Variants in CCSER1 observed in about 807,000 individuals in gnomAD.
CCSER1 encodes the protein serine-rich coiled-coil domain-containing protein 1.
Under a neutral mutation model 82.0 loss-of-function variants are expected in CCSER1, and 41 were observed. The ratio of observed to expected loss-of-function variants is 0.50; its 90% CI spans 0.39 to 0.65. CCSER1 has a LOEUF of 0.65. Among genes scored for constraint, CCSER1 ranks in the 30% least tolerant of loss-of-function variants. The pLI is 0.00. For missense variants in CCSER1, 1,119 were observed against 1,064.2 expected (o/e 1.05, Z -0.72); for synonymous variants, 414 against 383.9 (o/e 1.08, Z -0.92).
At chr4:90,923,011 T>C (rs561995189) in intron 8 of CCSER1, among the ~76,000 whole-genome samples, 1 of 152,246 alleles carries the variant, frequency 6.6e-6, no homozygotes, top group Non-Finnish European at 1.5e-5. Context: ...ATTTCAAATG[T>C]AAGTGTTCTG....
chr4:91,364,327 G>T (rs1454858244), intron 10 of CCSER1, among the ~76,000 whole-genome samples: 1 of 151,828 alleles, frequency 6.6e-6, no homozygotes, highest in Non-Finnish European at 1.5e-5. Flanking sequence ...TTTTCATGAT[G>T]GGAAATACAC....
At chr4:91,342,187 T>C (rs928175860) in intron 10 of CCSER1, among the ~76,000 whole-genome samples, 1 of 152,214 alleles carries the variant, frequency 6.6e-6, no homozygotes, top group African/African-American at 2.4e-5. Flanking sequence ...GTTAAAATTA[T>C]CATACCCATT....
At position 90,480,100 on chromosome 4, in the gene CCSER1, T is replaced by A. The variant is rs191498198; in HGVS notation, c.1724+11746T>A. 2.0e-5 allele frequency among the ~76,000 whole-genome samples: 3 copies of A among 152,310 alleles called. No homozygotes were observed. The East Asian group carries it at 5.8e-4, about 29-fold the overall frequency. On this transcript the variant is annotated intron_variant, in intron 5 of 10. Coordinates refer to ENST00000509176, the MANE Select transcript of CCSER1 (RefSeq NM_001145065.2). ...GGTGTGAGATGGTATCTCATTGTGGTTTTGATTGACATTTCTCTGATGGCC... is the reference window on the plus strand; with the variant it reads ...GGTGTGAGATGGTATCTCATTGTGGATTTGATTGACATTTCTCTGATGGCC...
chr4:90,358,167 C>T (rs536950753), intron 3 of CCSER1, among the ~76,000 whole-genome samples: 2 of 152,120 alleles, frequency 1.3e-5, no homozygotes, highest in South Asian at 4.1e-4. Context: ...GTAAATAATA[C>T]ATCAAATATT....
intron 7 of CCSER1, among the ~76,000 whole-genome samples, chr4:90,812,903 C>A (rs544218988): frequency 6.6e-6 from 1 of 152,278 alleles, no homozygotes; most frequent in African/African-American, 2.4e-5. Flanking sequence ...CACCTCCCAC[C>A]AGGTCTCTCC....
chr4:91,215,280 T>C (rs1368140074), intron 10 of CCSER1, among the ~76,000 whole-genome samples: 1 of 152,168 alleles, frequency 6.6e-6, no homozygotes, highest in East Asian at 1.9e-4. Flanking sequence ...TATTTTTCCT[T>C]GAAAAAGTCC....
At chr4:91,270,478 T>C (rs771736867) in intron 10 of CCSER1, among the ~76,000 whole-genome samples, 4 of 152,200 alleles carry the variant, frequency 2.6e-5, no homozygotes, top group Non-Finnish European at 5.9e-5. Context: ...CTTTTTCCTT[T>C]CTTTCATGGA....
chr4:91,186,890 C>T (rs994373340), intron 10 of CCSER1, among the ~76,000 whole-genome samples: 1 of 152,210 alleles, frequency 6.6e-6, no homozygotes, highest in Admixed American at 6.5e-5. Flanking sequence ...GTTCCTTGCC[C>T]TCATTCCTGT....
At chr4:90,632,625 AG>A (rs560479635) in intron 6 of CCSER1, among the ~76,000 whole-genome samples, 17 of 152,152 alleles carry the variant, frequency 1.1e-4, no homozygotes, top group Non-Finnish European at 2.4e-4. Context: ...ATTCTGCTTC[AG>A]TAAACCTGTC....
chr4:90,468,360 T>C lies in CCSER1; in HGVS notation c.1724+6T>C. 1 of 1,597,134 alleles carries C rather than the reference T, an allele frequency of 6.3e-7. No individual in the cohort carries two copies. The highest frequency in any genetic ancestry group is 8.5e-7 in the Non-Finnish European group (1 of 1,171,744). ...TTTCCTGAGCCTTCCAAACAGTGAG[T>C]TGTTCATTTAATTTTTCAAGGCCTT... On this transcript the variant is annotated splice_donor_region_variant and intron_variant, in intron 5 of 10. Transcript: ENST00000509176.
chr4:91,474,726 C>T (rs1757469001), intron 10 of CCSER1, among the ~76,000 whole-genome samples: 1 of 148,736 alleles, frequency 6.7e-6, no homozygotes, highest in African/African-American at 2.5e-5. Flanking sequence ...AATTTAGGCA[C>T]ACATGTATAC....
At chr4:90,449,406 T>C (rs75952173) in intron 4 of CCSER1, among the ~76,000 whole-genome samples, 1 of 152,332 alleles carries the variant, frequency 6.6e-6, no homozygotes, top group East Asian at 1.9e-4. Context: ...TTCCCAGGTT[T>C]CAAGCTATTC....
chr4:91,585,768 A>T (rs1349428520), intron 10 of CCSER1, among the ~76,000 whole-genome samples: 3 of 151,510 alleles, frequency 2.0e-5, no homozygotes, highest in African/African-American at 7.3e-5. Flanking sequence ...AAGATGGCTA[A>T]TGTTGCTAGA....
At chr4:91,051,177 A>G (rs989899149) in intron 9 of CCSER1, among the ~76,000 whole-genome samples, 1 of 152,210 alleles carries the variant, frequency 6.6e-6, no homozygotes, top group South Asian at 2.1e-4. Context: ...GAGGGTTAAT[A>G]CATATAATAT....
chr4:90,603,461 ATTT>A (rs1204127440), intron 5 of CCSER1, among the ~76,000 whole-genome samples: 2 of 152,188 alleles, frequency 1.3e-5, no homozygotes, highest in Non-Finnish European at 2.9e-5. Flanking sequence ...TTCAAGTGAT[ATTT>A]ATTGGCACAA....
Position 90,687,119 on chromosome 4 carries a change from T to A in CCSER1, c.1933-36795T>A, listed in dbSNP as rs193098287. On this transcript the variant is annotated intron_variant, in intron 6 of 10. Transcript: ENST00000509176. ...ATGACTAGAAGAAAAAGAGAAATAA[T>A]TTATTTCCAGGTATCTTAGAACAAG... is the stretch of plus-strand genomic sequence containing the variant. Among the ~76,000 whole-genome samples, 22 of 152,252 alleles carry A rather than the reference T, an allele frequency of 1.4e-4. No individual in the cohort carries two copies. In the East Asian group the frequency reaches 4.2e-3, roughly 29 times the overall value.
At chr4:91,372,853 T>C (rs115816194) in intron 10 of CCSER1, among the ~76,000 whole-genome samples, 2,985 of 152,248 alleles carry the variant, frequency 0.02, 78 homozygotes, top group African/African-American at 0.067. Context: ...GACTGTGAAG[T>C]GCAACGCTAA....
chr4:91,532,167 A>G (rs1761065563), intron 10 of CCSER1, among the ~76,000 whole-genome samples: 1 of 152,216 alleles, frequency 6.6e-6, no homozygotes, highest in Non-Finnish European at 1.5e-5. Context: ...AATCAGGTGA[A>G]GATATCACTG....
intron 10 of CCSER1, among the ~76,000 whole-genome samples, chr4:91,236,191 T>G (rs1294878955): frequency 6.6e-6 from 1 of 151,982 alleles, no homozygotes; most frequent in Non-Finnish European, 1.5e-5. Context: ...ATTGTACATA[T>G]AAAAAAATAC....
Sources: allele counts gnomAD v4.1 joint callset (sites outside exome capture counted in the v4.1 genomes callset), GRCh38; gene constraint gnomAD v4.1.1; transcripts MANE v1.5; gene names NCBI Gene and HGNC (gene_info 2026-07-23, HGNC 2026-07-21).